Variants in SNW1 observed in about 807,000 individuals in gnomAD.
SNW1 encodes the protein SNW domain-containing protein 1.
Under a neutral mutation model 75.6 loss-of-function variants are expected in SNW1, and 9 were observed. The ratio of observed to expected loss-of-function variants is 0.12; its 90% confidence interval spans 0.07 to 0.21. The LOEUF (loss-of-function observed/expected upper bound fraction) is 0.21, where lower values mean the gene tolerates loss of function less well. Ranked by LOEUF, SNW1 falls within the 10% of genes least tolerant of loss-of-function variation. The pLI, the probability that SNW1 is intolerant of heterozygous loss-of-function variation, is 1.00. For missense variants in SNW1, 409 were observed against 670.9 expected, an observed-to-expected ratio of 0.61 and a Z score of 4.31; for synonymous variants, 200 against 219.1, an observed-to-expected ratio of 0.91 and a Z score of 0.77.
intron 8 of SNW1, among the ~76,000 whole-genome samples, chr14:77,732,803 C>A: frequency 6.6e-6 from 1 of 152,212 alleles, no homozygotes; most frequent in East Asian, 1.9e-4. Context: ...TAGCTGGGAC[C>A]ATAGGCGTGC....
intron 3 of SNW1, among the ~76,000 whole-genome samples, chr14:77,739,656 TA>T (rs1280721172): frequency 3.6e-4 from 55 of 152,100 alleles, no homozygotes; most frequent in African/African-American, 1.2e-3. Context: ...ATATACAACT[TA>T]TTTTATATCC....
intron 9 of SNW1, among the ~76,000 whole-genome samples, chr14:77,732,087 A>G (rs937785501): frequency 4.6e-5 from 7 of 152,226 alleles, no homozygotes; most frequent in Admixed American, 3.9e-4. Context: ...GGCCAATGCT[A>G]TGAACGCCAT....
intron 7 of SNW1, among the ~76,000 whole-genome samples, chr14:77,735,674 A>G (rs2080665183): frequency 6.6e-6 from 1 of 152,176 alleles, no homozygotes; most frequent in African/African-American, 2.4e-5. Context: ...GAACCCATAT[A>G]TTCACTTCCT....
At chr14:77,721,859 C>T (rs2080543639) in intron 11 of SNW1, among the ~76,000 whole-genome samples, 1 of 152,064 alleles carries the variant, frequency 6.6e-6, no homozygotes, top group Admixed American at 6.5e-5. Context: ...GTGATTCTCC[C>T]ACTTCGGCCT....
chr14:77,721,247 C>T (rs2080538398), intron 11 of SNW1: 1 of 154,430 alleles, frequency 6.5e-6, no homozygotes, highest in Admixed American at 6.5e-5. Context: ...TATCTAACCA[C>T]ATTTAGTAAT....
intron 5 of SNW1, among the ~76,000 whole-genome samples, chr14:77,737,466 A>G (rs895903388): frequency 1.3e-5 from 2 of 152,188 alleles, no homozygotes; most frequent in African/African-American, 4.8e-5. Flanking sequence ...ATCATAGGTT[A>G]TAAAACAGAG....
At chr14:77,750,031 C>T (rs1359123458) in intron 3 of SNW1, among the ~76,000 whole-genome samples, 1 of 151,728 alleles carries the variant, frequency 6.6e-6, no homozygotes, top group Admixed American at 6.6e-5. Flanking sequence ...GGATATCCCA[C>T]CTCTACAAAA....
intron 1 of SNW1, 133 bp from the exon 2 acceptor site, chr14:77,755,253 A>C: frequency 1.3e-6 from 1 of 757,964 alleles, no homozygotes; most frequent in South Asian, 1.7e-5. Flanking sequence ...TTTTTCAATG[A>C]TTTATGGTAG....
chr14:77,750,224 TA>T (rs1291041042), intron 3 of SNW1, among the ~76,000 whole-genome samples: 1 of 151,526 alleles, frequency 6.6e-6, no homozygotes, highest in East Asian at 1.9e-4. Context: ...AAAAATAAAA[TA>T]AAAAAAGATT....
chr14:77,720,863 CTTT>C, intron 11 of SNW1, 35 bp from the exon 12 acceptor site: 1 of 1,326,118 alleles, frequency 7.5e-7, no homozygotes, highest in African/African-American at 1.4e-5. Context: ...ACTGAAAACT[CTTT>C]ATAGACAAGC....
intron 3 of SNW1, 21 bp downstream of exon 3, chr14:77,751,298 G>C: frequency 6.3e-7 from 1 of 1,585,004 alleles, no homozygotes; most frequent in Non-Finnish European, 8.6e-7. Context: ...TTATCATTCA[G>C]GGAAAACATG....
At chr14:77,718,944 CAGG>C (rs2080514049) in intron 12 of SNW1, among the ~76,000 whole-genome samples, 3 of 152,194 alleles carry the variant, frequency 2.0e-5, no homozygotes, top group Non-Finnish European at 2.9e-5. Context: ...CCCCTGACCT[CAGG>C]TGATCGCCTG....
intron 1 of SNW1, 151 bp downstream of exon 1, chr14:77,760,963 G>C: frequency 5.1e-6 from 8 of 1,573,730 alleles, no homozygotes; most frequent in Non-Finnish European, 7.0e-6. Context: ...CCTAGTCGTA[G>C]CGGCGGCCAG....
chr14:77,719,762 T>C (rs1473543663), intron 12 of SNW1, among the ~76,000 whole-genome samples: 1 of 152,242 alleles, frequency 6.6e-6, no homozygotes, highest in Admixed American at 6.5e-5. Flanking sequence ...GAGATAATAG[T>C]ATTATTTCAT....
At chr14:77,746,943 T>TCC (rs2080765003) in intron 3 of SNW1, among the ~76,000 whole-genome samples, 1 of 144,884 alleles carries the variant, frequency 6.9e-6, no homozygotes, top group African/African-American at 2.6e-5. Flanking sequence ...CCTCTCCCTC[T>TCC]CCACGGTCTC....
intron 11 of SNW1, chr14:77,722,747 GAAGA>G: frequency 2.8e-6 from 1 of 363,328 alleles, no homozygotes; most frequent in Non-Finnish European, 5.3e-6. Flanking sequence ...TCAAACTAAA[GAAGA>G]AAGGGAGAGA....
Position 77,717,911 on chromosome 14 carries a change from C to A in SNW1, c.*177G>T, listed in dbSNP as rs1595069987. 1 of 591,348 alleles carries A rather than the reference C, an allele frequency of 1.7e-6. No individual in the cohort carries two copies. The highest frequency in any genetic ancestry group is 2.8e-5 in the East Asian group (1 of 35,246). 36.6% of individuals were successfully genotyped at this position (591,348 alleles called of 1,614,324 possible). A position where few individuals can be genotyped will look rare whatever the true frequency, so the allele number is the denominator to read the frequency against. On this transcript the variant is annotated 3_prime_UTR_variant, in exon 14 of 14. Coordinates refer to ENST00000261531, the MANE Select transcript of SNW1 (RefSeq NM_012245.3). ...AACACAACCCACTCTTTAAAAAAAA[C>A]TAAATAATTCAAAGTAGAATTTTCT... is the stretch of plus-strand genomic sequence containing the variant.
chr14:77,743,773 G>T (rs2080736982), intron 3 of SNW1, among the ~76,000 whole-genome samples: 1 of 152,080 alleles, frequency 6.6e-6, no homozygotes, highest in Non-Finnish European at 1.5e-5. Context: ...ACGCTACTGG[G>T]ATTTATAGGT....
At chr14:77,726,872 CCTT>C (rs1468036032) in intron 10 of SNW1, among the ~76,000 whole-genome samples, 1 of 151,866 alleles carries the variant, frequency 6.6e-6, no homozygotes, top group African/African-American at 2.4e-5. Flanking sequence ...AATGGGACTG[CCTT>C]CTTGTTTTTC....
Sources: gnomAD v4.1 joint callset for allele counts (sites outside exome capture counted in the v4.1 genomes callset) on GRCh38, gnomAD v4.1.1 for gene constraint, MANE v1.5 for transcripts, NCBI Gene and HGNC (gene_info 2026-07-23, HGNC 2026-07-21) for gene names.